LCLAT1: variants seen among roughly 807,000 people sequenced by gnomAD.
LCLAT1 encodes 1-AGP acyltransferase 8.
In LCLAT1, 11 loss-of-function variants were observed where a neutral mutation model predicts 30.7. The observed-to-expected ratio is 0.36, with a 90% CI of 0.23 to 0.59. LCLAT1 has a LOEUF of 0.59. LCLAT1 is among the 20% of genes least tolerant of loss of function. LCLAT1 has a pLI of 0.77. For synonymous variants in LCLAT1, 155 were observed against 151.3 expected (o/e 1.02, Z -0.18); for missense variants, 402 against 458.6 (o/e 0.88, Z 1.13).
intron 1 of LCLAT1, among the ~76,000 whole-genome samples, chr2:30,525,206 G>C (rs1254546054): frequency 6.6e-6 from 1 of 151,928 alleles, no homozygotes; most frequent in Non-Finnish European, 1.5e-5. Flanking sequence ...AGCCTCCCAC[G>C]TAGCTGGGAT....
At chr2:30,600,859 A>C (rs1667148026) in intron 5 of LCLAT1, among the ~76,000 whole-genome samples, 1 of 152,054 alleles carries the variant, frequency 6.6e-6, no homozygotes, top group African/African-American at 2.4e-5. Context: ...GTTCTCCTGG[A>C]TTATATCTTG....
In LCLAT1 at chr2:30,516,218, G is replaced by A. The variant is rs114917209; in HGVS notation, c.-4-9369G>A. Among the ~76,000 whole-genome samples, 1,403 of 152,204 alleles carry A rather than the reference G, an allele frequency of 9.2e-3. 19 individuals are homozygous for A. Among genetic ancestry groups the A allele is most frequent in the African/African-American group, 0.032 (1,308 of 41,522 alleles). On this transcript the variant is annotated intron_variant, in intron 1 of 5. Transcript: ENST00000379509. ...GAACTGGCAGTGGCAACCCCCTTTGGATCCCCTCCCATTGTATGGGAGCTT... is the reference window on the plus strand; with the variant it reads ...GAACTGGCAGTGGCAACCCCCTTTGAATCCCCTCCCATTGTATGGGAGCTT...
chr2:30,627,926 C>A (rs563610622), intron 5 of LCLAT1, among the ~76,000 whole-genome samples: 1 of 152,100 alleles, frequency 6.6e-6, no homozygotes, highest in South Asian at 2.1e-4. Flanking sequence ...ATTTTAAATT[C>A]AAAACTTTAA....
chr2:30,627,161 G>A (rs943141039), intron 5 of LCLAT1, among the ~76,000 whole-genome samples: 18 of 152,130 alleles, frequency 1.2e-4, no homozygotes, highest in African/African-American at 4.1e-4. Context: ...TTTTAATAGC[G>A]ATCTTGCAAG....
At chr2:30,463,174 A>G (rs1373002944) in intron 1 of LCLAT1, among the ~76,000 whole-genome samples, 1 of 151,982 alleles carries the variant, frequency 6.6e-6, no homozygotes. Flanking sequence ...ATATATGAAG[A>G]ACAGATCAGA....
intron 5 of LCLAT1, among the ~76,000 whole-genome samples, chr2:30,601,355 A>T (rs944484247): frequency 1.3e-5 from 2 of 152,214 alleles, no homozygotes; most frequent in East Asian, 3.8e-4. Flanking sequence ...CTAAATTTGA[A>T]TACTGTATGT....
chr2:30,518,764 T>C (rs1685319613), intron 1 of LCLAT1, among the ~76,000 whole-genome samples: 1 of 152,222 alleles, frequency 6.6e-6, no homozygotes, highest in South Asian at 2.1e-4. Context: ...TGTATCCCTG[T>C]ACATCCTGAC....
chr2:30,560,810 A>G (rs1395856455), intron 3 of LCLAT1, among the ~76,000 whole-genome samples: 1 of 152,236 alleles, frequency 6.6e-6, no homozygotes, highest in East Asian at 1.9e-4. Flanking sequence ...GCATGGCAGG[A>G]AGAGAGGTGG....
At chr2:30,492,582 G>GAAAAAAAAAAAAA (rs201358090) in intron 1 of LCLAT1, among the ~76,000 whole-genome samples, 1 of 125,824 alleles carries the variant, frequency 7.9e-6, no homozygotes. Flanking sequence ...GAAAAAAAAA[G>GAAAAAAAAAAAAA]AAAAAAAAAA....
At chr2:30,452,527 C>T (rs1681608110) in intron 1 of LCLAT1, among the ~76,000 whole-genome samples, 1 of 151,984 alleles carries the variant, frequency 6.6e-6, no homozygotes, top group South Asian at 2.1e-4. Flanking sequence ...AGTTTTTGTC[C>T]TAAGAATTAA....
intron 5 of LCLAT1, among the ~76,000 whole-genome samples, chr2:30,612,539 T>C (rs1326905465): frequency 6.6e-6 from 1 of 152,178 alleles, no homozygotes; most frequent in African/African-American, 2.4e-5. Context: ...TTATCTCAGC[T>C]TGCCTGACAA....
At chr2:30,590,618 T>C (rs1666648204) in intron 5 of LCLAT1, among the ~76,000 whole-genome samples, 1 of 151,142 alleles carries the variant, frequency 6.6e-6, no homozygotes, top group Admixed American at 6.6e-5. Context: ...AAATTACATA[T>C]TTACTTTGGA....
chr2:30,545,826 A>C (rs780275705), intron 3 of LCLAT1, among the ~76,000 whole-genome samples: 3 of 152,082 alleles, frequency 2.0e-5, no homozygotes, highest in African/African-American at 4.8e-5. Context: ...TACGTACCCA[A>C]CTCATGGCTT....
chr2:30,598,946 A>G (rs1447222457), intron 5 of LCLAT1, among the ~76,000 whole-genome samples: 3 of 151,300 alleles, frequency 2.0e-5, no homozygotes, highest in Non-Finnish European at 2.9e-5. Flanking sequence ...ATTTCCATGT[A>G]GTTGTATGAT....
At chr2:30,569,791 T>G (rs1031522268) in intron 5 of LCLAT1, among the ~76,000 whole-genome samples, 6 of 152,218 alleles carry the variant, frequency 3.9e-5, no homozygotes, top group African/African-American at 1.2e-4. Flanking sequence ...TCATATTACT[T>G]TGGTTTGCTT....
chr2:30,599,464 TTCTGTAGATA>T, intron 5 of LCLAT1, among the ~76,000 whole-genome samples: 1 of 152,172 alleles, frequency 6.6e-6, no homozygotes, highest in Non-Finnish European at 1.5e-5. Flanking sequence ...TGGTGGAGAG[TTCTGTAGATA>T]TCTATCAGAT....
Position 30,491,688 on chromosome 2 carries a change from G to T in LCLAT1, c.-4-33899G>T, listed in dbSNP as rs1016119362. 2.0e-5 allele frequency among the ~76,000 whole-genome samples: 3 copies of T among 152,154 alleles called. No homozygotes were observed. The South Asian group carries it at 6.2e-4, about 32-fold the overall frequency. On this transcript the variant is annotated intron_variant, in intron 1 of 5. Coordinates refer to ENST00000379509, the MANE Select transcript of LCLAT1 (RefSeq NM_001002257.3). ...TGTAGATTTATTTTTAATTTCCCAA[G>T]AGAGAATATTTATTTATAGCTACCA...
intron 1 of LCLAT1, among the ~76,000 whole-genome samples, chr2:30,491,806 G>A (rs1462753803): frequency 3.9e-5 from 6 of 152,168 alleles, no homozygotes; most frequent in African/African-American, 1.4e-4. Flanking sequence ...TGTAGATGGT[G>A]TAACTGGACT....
intron 1 of LCLAT1, among the ~76,000 whole-genome samples, chr2:30,495,725 A>G (rs1291208205): frequency 6.6e-6 from 1 of 152,104 alleles, no homozygotes; most frequent in East Asian, 1.9e-4. Flanking sequence ...TGGATTACAC[A>G]GGTGTGGTTG....
Sources: allele counts gnomAD v4.1 joint callset (sites outside exome capture counted in the v4.1 genomes callset), GRCh38; gene constraint gnomAD v4.1.1; transcripts MANE v1.5; gene names NCBI Gene and HGNC (gene_info 2026-07-23, HGNC 2026-07-21).